Variants in OCLN observed in about 807,000 individuals in gnomAD.
The protein encoded by OCLN is occludin.
A neutral mutation model predicts 47.9 loss-of-function variants in OCLN; 21 were observed. The observed-to-expected ratio is 0.44, with a 90% confidence interval of 0.31 to 0.63. The LOEUF (loss-of-function observed/expected upper bound fraction) is 0.63, where lower values mean the gene tolerates loss of function less well. OCLN is among the 30% of genes least tolerant of loss of function. The pLI, the probability that OCLN is intolerant of heterozygous loss-of-function variation, is 0.08. For missense variants in OCLN, 360 were observed against 571.0 expected, an observed-to-expected ratio of 0.63 and a Z score of 3.77; for synonymous variants, 117 against 198.4, an observed-to-expected ratio of 0.59 and a Z score of 3.45.
At chr5:69,518,838 A>G (rs1769047801) in intron 4 of OCLN, among the ~76,000 whole-genome samples, 1 of 152,198 alleles carries the variant, frequency 6.6e-6, no homozygotes, top group Non-Finnish European at 1.5e-5. Context: ...TACTCCCCAT[A>G]TAGCTAATAA....
chr5:69,511,151 T>C (rs1047650821), intron 3 of OCLN, among the ~76,000 whole-genome samples: 5 of 152,034 alleles, frequency 3.3e-5, no homozygotes, highest in Non-Finnish European at 7.4e-5. Context: ...CTTTGCTCAC[T>C]GTGAGCTACG....
In OCLN at chr5:69,509,743, A is replaced by T; in HGVS notation, c.653A>T (p.Gln218Leu). The change falls in exon 3 of 9, where the codon CAA becomes CTA. Residue 218 changes from glutamine (Q) to leucine (L), a missense_variant. Gln to Leu is a moderately radical substitution (Grantham distance 113). Transcript: ENST00000396442. ...TCACAAATATATGCCCTCTGCAACC[A>T]ATTTTATACACCTGCAGCTACTGGA... ...YGSQIYALCN[Q>L]FYTPAATGLY... 6.2e-7 allele frequency: 1 copy of T among 1,614,036 alleles called. No homozygotes were observed. Among genetic ancestry groups the T allele is most frequent in the Non-Finnish European group, 8.5e-7 (1 of 1,179,970 alleles).
chr5:69,550,177 C>G (rs934160893), intron 7 of OCLN, among the ~76,000 whole-genome samples: 1 of 116,860 alleles, frequency 8.6e-6, no homozygotes, highest in Non-Finnish European at 1.8e-5. Context: ...GCACTCTTGT[C>G]TACTTATCTA....
intron 6 of OCLN, among the ~76,000 whole-genome samples, chr5:69,547,519 C>T (rs1334166897): frequency 4.1e-5 from 5 of 122,186 alleles, no homozygotes; most frequent in Non-Finnish European, 8.4e-5. Flanking sequence ...TGCAGTGAGC[C>T]GAGATTGTGC....
Position 69,525,922 on chromosome 5 carries a change from T to C in OCLN, c.892-8772T>C, listed in dbSNP as rs573023238. 4.3e-4 allele frequency among the ~76,000 whole-genome samples: 65 copies of C among 152,206 alleles called. 1 individual carries two copies. Among genetic ancestry groups the C allele is most frequent in the Non-Finnish European group, 2.9e-4 (20 of 68,044 alleles). ...AAGTAGGTACCCTCAGCTGTTCTCA[T>C]GCCGAGTGAACCTTCTCACCGTTTT... On this transcript the variant is annotated intron_variant, in intron 4 of 8. Coordinates refer to ENST00000396442, the MANE Select transcript of OCLN (RefSeq NM_001205254.2).
intron 3 of OCLN, among the ~76,000 whole-genome samples, chr5:69,511,334 C>T (rs1561336640): frequency 1.3e-5 from 2 of 151,914 alleles, no homozygotes; most frequent in South Asian, 4.2e-4. Context: ...CCGCCCGCCT[C>T]GGCCTCCAAA....
intron 6 of OCLN, 116 bp from the exon 7 acceptor site, chr5:69,547,813 GA>G: frequency 1.4e-6 from 1 of 740,372 alleles, no homozygotes; most frequent in Non-Finnish European, 2.5e-6. Context: ...AAACAAAAAC[GA>G]AACAAGAAAA....
Position 69,509,197 on chromosome 5 carries a change from G to C in OCLN, c.107G>C (p.Arg36Pro). The change falls in exon 3 of 9, where the codon CGA (arginine) becomes CCA (proline). Residue 36 changes from arginine to proline, a missense_variant. Arg to Pro is a moderately radical substitution (Grantham distance 103, BLOSUM62 -2). Around this residue, in one of 3 missense-constraint regions of OCLN, gnomAD observed 314 missense variants for 368.1 expected, o/e 0.85. Transcript: ENST00000396442. ...NDIYGGEMHV[R>P]PMLSQPAYSF... ...ATATATGGTGGAGAGATGCATGTTC[G>C]ACCAATGCTCTCTCAGCCAGCCTAC... 1.2e-6 allele frequency: 2 copies of C among 1,614,112 alleles called. No homozygotes were observed. Among genetic ancestry groups the C allele is most frequent in the Non-Finnish European group, 1.7e-6 (2 of 1,179,986 alleles).
Position 69,509,203 on chromosome 5 carries a change from T to A in OCLN, c.113T>A (p.Met38Lys). The A allele has an allele frequency of 6.2e-7, 1 of 1,614,096 alleles. No individual in the cohort carries two copies. ...IYGGEMHVRP[M>K]LSQPAYSFYP... ...GGTGGAGAGATGCATGTTCGACCAA[T>A]GCTCTCTCAGCCAGCCTACTCTTTT... The change falls in exon 3 of 9, where the codon ATG becomes AAG. Residue 38 changes from methionine (M) to lysine (K), a missense_variant. Transcript: ENST00000396442.
intron 4 of OCLN, among the ~76,000 whole-genome samples, chr5:69,520,167 C>T (rs1441682742): frequency 1.3e-5 from 2 of 152,054 alleles, no homozygotes; most frequent in East Asian, 3.8e-4. Context: ...TCATGTTGGC[C>T]AGGCTGGTCT....
chr5:69,524,436 C>T (rs1769223470), intron 4 of OCLN, among the ~76,000 whole-genome samples: 1 of 152,178 alleles, frequency 6.6e-6, no homozygotes, highest in Admixed American at 6.5e-5. Context: ...ACATGTATAA[C>T]TTAGCAACAT....
intron 6 of OCLN, among the ~76,000 whole-genome samples, chr5:69,547,221 G>T (rs1254450352): frequency 6.7e-6 from 1 of 149,808 alleles, no homozygotes; most frequent in Non-Finnish European, 1.5e-5. Flanking sequence ...CTTCCAGTCA[G>T]CTGTGCTGCC....
chr5:69,509,174 A>G lies in OCLN; in HGVS notation c.84A>G (p.Ile28Met). 1 of 1,614,114 alleles carries G rather than the reference A, an allele frequency of 6.2e-7. No individual in the cohort carries two copies. Among genetic ancestry groups the G allele is most frequent in the Non-Finnish European group, 8.5e-7 (1 of 1,179,942 alleles). Residue 28 changes from isoleucine to methionine, a missense_variant, in exon 3 of 9, where the codon ATA (isoleucine) becomes ATG (methionine). Transcript: ENST00000396442. The stretch of plus-strand genomic sequence containing the variant: ...ATCATTATGCACCAAGCAATGACAT[A>G]TATGGTGGAGAGATGCATGTTCGAC... The part of the protein sequence containing the change: ...KPNHYAPSND[I>M]YGGEMHVRPM...
chr5:69,500,078 T>C (rs1264183876), intron 1 of OCLN, among the ~76,000 whole-genome samples: 1 of 152,232 alleles, frequency 6.6e-6, no homozygotes, highest in Non-Finnish European at 1.5e-5. Flanking sequence ...AGCCAATGGG[T>C]TAGTTATCCT....
intron 4 of OCLN, among the ~76,000 whole-genome samples, chr5:69,516,174 G>A (rs1188672807): frequency 1.3e-5 from 2 of 151,980 alleles, no homozygotes; most frequent in Non-Finnish European, 2.9e-5. Flanking sequence ...GTAGCGAGCC[G>A]AGATCACGCC....
chr5:69,544,893 GT>G lies in OCLN; in HGVS notation c.1038-6del. 9.9e-7 allele frequency: 1 copy of G among 1,014,924 alleles called. No individual in the cohort carries two copies. The allele number at this position is 1,014,924 out of a possible 1,614,324, so 62.9% of individuals were successfully genotyped here. Reference sequence around the variant, plus strand: ...TGTAGTGTACTGAACAATGATGCCTGTTTTTATTAGGGTTCCTGAAGTGGTT... The same window carrying G: ...TGTAGTGTACTGAACAATGATGCCTGTTTTATTAGGGTTCCTGAAGTGGTT... On this transcript the variant is annotated splice_polypyrimidine_tract_variant and intron_variant, in intron 5 of 8. Coordinates refer to ENST00000396442, the MANE Select transcript of OCLN (RefSeq NM_001205254.2).
At position 69,509,562 on chromosome 5, in the gene OCLN, A is replaced by G. The variant is rs779033708; in HGVS notation, c.472A>G (p.Thr158Ala). 16 of 1,614,024 alleles carry G rather than the reference A, an allele frequency of 9.9e-6. No homozygotes were observed. In the African/African-American group the frequency reaches 2.0e-4, roughly 20 times the overall value. ...CATTGCCGCGTTGGTGATCTTTGTT[A>G]CCAGTGTTATAAGATCTGAAATGTC... is the stretch of plus-strand genomic sequence containing the variant. ...CFIAALVIFV[T>A]SVIRSEMSRT... The change falls in exon 3 of 9, where the codon ACC (threonine) becomes GCC (alanine). Residue 158 changes from threonine (T) to alanine (A), a missense_variant. By Grantham distance (58) the Thr-to-Ala change is moderately conservative. Coordinates refer to ENST00000396442, the MANE Select transcript of OCLN (RefSeq NM_001205254.2).
At chr5:69,508,625 G>T (rs1463664045) in intron 2 of OCLN, among the ~76,000 whole-genome samples, 1 of 152,150 alleles carries the variant, frequency 6.6e-6, no homozygotes, top group East Asian at 1.9e-4. Flanking sequence ...ACAGACATGA[G>T]CCACCGTGCC....
At position 69,493,239 on chromosome 5, in the gene OCLN, C is replaced by T. The variant is rs893095415; in HGVS notation, c.-69+339C>T. ...ACGACATTCCTGAACAGCGACGATC[C>T]TGCATCCGCTCTGGGGCTGCAGTTT... On this transcript the variant is annotated intron_variant, in intron 1 of 8. Coordinates refer to ENST00000396442, the MANE Select transcript of OCLN (RefSeq NM_001205254.2). This position sits in a 1 kb window ranked among gnomAD's most constrained non-coding sequence, Gnocchi z 5.3. 6.6e-6 allele frequency among the ~76,000 whole-genome samples: 1 copy of T among 152,118 alleles called. No individual in the cohort carries two copies. Among genetic ancestry groups the T allele is most frequent in the African/African-American group, 2.4e-5 (1 of 41,448 alleles).
Sources: allele counts gnomAD v4.1 joint callset (sites outside exome capture counted in the v4.1 genomes callset), GRCh38; gene constraint gnomAD v4.1.1; regional missense constraint gnomAD v4.1.1; non-coding constraint Gnocchi (gnomAD v3.1); transcripts MANE v1.5; gene names NCBI Gene and HGNC (gene_info 2026-07-23, HGNC 2026-07-21).